Variants in PRDM16 observed in about 807,000 individuals in gnomAD.
PRDM16 encodes histone-lysine N-methyltransferase PRDM16.
In PRDM16, 23 loss-of-function variants were observed where a neutral mutation model predicts 110.6. That is an observed-to-expected ratio of 0.21 (90% CI 0.15 to 0.29). The LOEUF (loss-of-function observed/expected upper bound fraction) is 0.29. Ranked by LOEUF, PRDM16 falls within the 10% of genes least tolerant of loss-of-function variation. The pLI, the probability that PRDM16 is intolerant of heterozygous loss-of-function variation, is 1.00. For synonymous variants in PRDM16, 799 were observed against 781.8 expected, an observed-to-expected ratio of 1.02 and a Z score of -0.37; for missense variants, 1,615 against 1,794.3, an observed-to-expected ratio of 0.90 and a Z score of 1.81.
chr1:3,074,184 ACCT>A (rs1174693399), intron 1 of PRDM16, among the ~76,000 whole-genome samples: 3 of 152,018 alleles, frequency 2.0e-5, no homozygotes, highest in African/African-American at 7.2e-5. Context: ...GGGACAGGAC[ACCT>A]CCTCCCTTCA....
At chr1:3,357,361 G>A (rs1485355363) in intron 3 of PRDM16, among the ~76,000 whole-genome samples, 8 of 143,742 alleles carry the variant, frequency 5.6e-5, no homozygotes, top group Middle Eastern at 3.5e-3. Context: ...CCCACCCCCC[G>A]CCCCGAGCTG....
intron 3 of PRDM16, among the ~76,000 whole-genome samples, chr1:3,258,404 ACT>A (rs911251478): frequency 8.6e-5 from 13 of 151,902 alleles, no homozygotes; most frequent in African/African-American, 3.1e-4. Context: ...TTTGAATAAT[ACT>A]CTCTTTCAGC....
chr1:3,108,507 C>A (rs1244567379), intron 1 of PRDM16, among the ~76,000 whole-genome samples: 1 of 152,248 alleles, frequency 6.6e-6, no homozygotes, highest in African/African-American at 2.4e-5. Flanking sequence ...TTTCTCATCT[C>A]TTTCTTCCCA....
chr1:3,127,605 C>G (rs996496686), intron 1 of PRDM16, among the ~76,000 whole-genome samples: 28 of 152,250 alleles, frequency 1.8e-4, no homozygotes, highest in African/African-American at 6.8e-4. Context: ...CAGATCCATT[C>G]TGCCTGTAAA....
At position 3,370,161 on chromosome 1, in the gene PRDM16, A is replaced by G. The variant is rs1424066282; in HGVS notation, c.439-14991A>G. Reference sequence around the variant, plus strand: ...CAGGGCCCAAAGGGTGCTGAGATGAACAAACCCACCGTGGCCTCTGCTTTG... The same window carrying G: ...CAGGGCCCAAAGGGTGCTGAGATGAGCAAACCCACCGTGGCCTCTGCTTTG... On this transcript the variant is annotated intron_variant, in intron 3 of 16. Coordinates refer to ENST00000270722, the MANE Select transcript of PRDM16 (RefSeq NM_022114.4). The surrounding 1 kb of genome is among the most constrained non-coding windows in gnomAD (Gnocchi z 4.8). Among the ~76,000 whole-genome samples the G allele has an allele frequency of 6.6e-6, 1 of 152,186 alleles. No individual in the cohort carries two copies. Among genetic ancestry groups the G allele is most frequent in the East Asian group, 1.9e-4 (1 of 5,180 alleles).
intron 2 of PRDM16, among the ~76,000 whole-genome samples, chr1:3,204,237 G>A (rs905131998): frequency 2.2e-4 from 34 of 152,334 alleles, no homozygotes; most frequent in African/African-American, 7.7e-4. Context: ...TGCCCCTGTA[G>A]TGTGTGTGGG....
At chr1:3,234,972 G>A (rs1639505971) in intron 2 of PRDM16, among the ~76,000 whole-genome samples, 1 of 152,226 alleles carries the variant, frequency 6.6e-6, no homozygotes, top group African/African-American at 2.4e-5. Flanking sequence ...AGTTGGTGGA[G>A]AAATAAAGTG....
In PRDM16 at chr1:3,146,539, G is replaced by A. The variant is rs374624499; in HGVS notation, c.38-39586G>A. On this transcript the variant is annotated intron_variant, in intron 1 of 16. Coordinates refer to ENST00000270722, the MANE Select transcript of PRDM16 (RefSeq NM_022114.4). ...TGCTCGGTGTGGGGTGTGTGTGCAC[G>A]TGTGTTCGGTGTGGGGTGTGTACAC... 1.4e-4 allele frequency among the ~76,000 whole-genome samples: 21 copies of A among 145,970 alleles called. No homozygotes were observed. The East Asian group carries it at 1.5e-3, about 10-fold the overall frequency.
intron 1 of PRDM16, among the ~76,000 whole-genome samples, chr1:3,173,601 A>T (rs1019371792): frequency 1.3e-5 from 2 of 151,934 alleles, no homozygotes; most frequent in Non-Finnish European, 2.9e-5. Context: ...CCCCAGTGGG[A>T]CTTTGTGGTG....
In PRDM16 at chr1:3,431,107, A is replaced by G; in HGVS notation, c.3520A>G (p.Arg1174Gly). 1 of 1,549,860 alleles carries G rather than the reference A, an allele frequency of 6.5e-7. No individual in the cohort carries two copies. Among genetic ancestry groups the G allele is most frequent in the Non-Finnish European group, 8.7e-7 (1 of 1,147,172 alleles). The change falls in exon 15 of 17, where the codon AGG becomes GGG. Residue 1174 changes from arginine to glycine, a missense_variant and splice_region_variant. Arg to Gly is a moderately radical substitution (Grantham distance 125). Transcript: ENST00000270722. ...GGCCGTGGGCTTTGACCACACCCGA[A>G]GGTGGGGGCAGCCGTGTGCTCCAGG... is the stretch of plus-strand genomic sequence containing the variant. ...SLAVGFDHTR[R>G]CAEDHEGGLL...
intron 1 of PRDM16, among the ~76,000 whole-genome samples, chr1:3,142,310 G>C (rs924736573): frequency 4.6e-5 from 7 of 152,234 alleles, no homozygotes. Flanking sequence ...ACATCTGGCT[G>C]TGCTAACAAG....
chr1:3,092,290 C>T (rs1050995413), intron 1 of PRDM16, among the ~76,000 whole-genome samples: 1 of 145,158 alleles, frequency 6.9e-6, no homozygotes, highest in Non-Finnish European at 1.5e-5. Flanking sequence ...GGCTGCTCTT[C>T]GTGAGTCCCG....
intron 1 of PRDM16, among the ~76,000 whole-genome samples, chr1:3,161,446 T>C (rs980045424): frequency 6.6e-6 from 1 of 152,190 alleles, no homozygotes; most frequent in Non-Finnish European, 1.5e-5. Context: ...GGTCGGGCAA[T>C]GGCGTGAGGA....
chr1:3,319,628 G>T (rs564249546), intron 3 of PRDM16, among the ~76,000 whole-genome samples: 1 of 152,106 alleles, frequency 6.6e-6, no homozygotes, highest in East Asian at 1.9e-4. Flanking sequence ...GGCGTCAGGC[G>T]CTCCTCTCTC....
In PRDM16 at chr1:3,261,592, C is replaced by T. The variant is rs114489617; in HGVS notation, c.438+17455C>T. On this transcript the variant is annotated intron_variant, in intron 3 of 16. Coordinates refer to ENST00000270722, the MANE Select transcript of PRDM16 (RefSeq NM_022114.4). ...AGCACAGGCATTGAACCCAGGGGGC[C>T]GGGTAGATGACCTGTACACACGGCA... is the stretch of plus-strand genomic sequence containing the variant. Among the ~76,000 whole-genome samples the T allele has an allele frequency of 4.0e-3, 604 of 152,242 alleles. 3 individuals carry two copies. The highest frequency in any genetic ancestry group is 0.014 in the Middle Eastern group (4 of 294).
intron 3 of PRDM16, among the ~76,000 whole-genome samples, chr1:3,296,938 T>C (rs1203283121): frequency 6.6e-6 from 1 of 152,172 alleles, no homozygotes; most frequent in African/African-American, 2.4e-5. Flanking sequence ...CAGACACTCA[T>C]ATCAGCCTAC....
chr1:3,095,081 G>A (rs1642366045), intron 1 of PRDM16, among the ~76,000 whole-genome samples: 1 of 152,238 alleles, frequency 6.6e-6, no homozygotes, highest in Non-Finnish European at 1.5e-5. Context: ...TCCTGACGGG[G>A]CACTGGCCCA....
chr1:3,411,691 G>T lies in PRDM16; in HGVS notation c.1494G>T (p.Leu498=), dbSNP rs1317350358. ...CCTCCAGGCCGCACCCGGGGAGCCT[G>T]CCCTTCTCCACGGCGCCTCCCACGT... ...YFPSRPHPGS[L]PFSTAPPTFP... is the part of the protein sequence containing the mutation. Residue 498 remains leucine (L), a synonymous_variant, in exon 9 of 17, where the codon CTG becomes CTT. Transcript: ENST00000270722. 1 of 1,610,680 alleles carries T rather than the reference G, an allele frequency of 6.2e-7. No homozygotes were observed. The highest frequency in any genetic ancestry group is 8.5e-7 in the Non-Finnish European group (1 of 1,177,808).
rs2151350 is a variant in PRDM16, at chr1:3,390,291, T to A, written c.573+5005T>A. On this transcript the variant is annotated intron_variant, in intron 4 of 16. Transcript: ENST00000270722. This position sits in a 1 kb window ranked among gnomAD's most constrained non-coding sequence, Gnocchi z 5.0. ...ACTGTCTAGTGGGGCTGAAGATGGC[T>A]GGGGACAGGGCTGAGGTCAAACACA... Among the ~76,000 whole-genome samples, 5 of 152,038 alleles carry A rather than the reference T, an allele frequency of 3.3e-5. No individual in the cohort carries two copies. The highest frequency in any genetic ancestry group is 9.7e-5 in the African/African-American group (4 of 41,398).
Sources: gnomAD v4.1 joint callset for allele counts (sites outside exome capture counted in the v4.1 genomes callset) on GRCh38, gnomAD v4.1.1 for gene constraint, Gnocchi (gnomAD v3.1) non-coding constraint, MANE v1.5 for transcripts, NCBI Gene and HGNC (gene_info 2026-07-23, HGNC 2026-07-21) for gene names.